Variants in ZFPM2 observed in about 807,000 individuals in gnomAD.
ZFPM2 encodes the protein zinc finger protein ZFPM2.
ZFPM2 carries 20 observed loss-of-function variants against 98.6 expected under a neutral mutation model. That is an observed-to-expected ratio of 0.20 (90% confidence interval 0.14 to 0.29). The LOEUF (loss-of-function observed/expected upper bound fraction) is 0.29, where lower values mean the gene tolerates loss of function less well. Among genes scored for constraint, ZFPM2 ranks in the 10% least tolerant of loss-of-function variants. The pLI is 1.00. For missense variants in ZFPM2, 1,310 were observed against 1,388.6 expected (o/e 0.94, Z 0.90); for synonymous variants, 518 against 502.7 (o/e 1.03, Z -0.41).
chr8:105,773,178 ACT>A (rs1813020561), intron 5 of ZFPM2, among the ~76,000 whole-genome samples: 1 of 152,130 alleles, frequency 6.6e-6, no homozygotes, highest in Non-Finnish European at 1.5e-5. Flanking sequence ...TTACCAAACC[ACT>A]GTCATTTGAA....
At chr8:105,535,571 A>G (rs192762292) in intron 3 of ZFPM2, among the ~76,000 whole-genome samples, 34 of 152,306 alleles carry the variant, frequency 2.2e-4, no homozygotes, top group African/African-American at 7.7e-4. Context: ...TCTCTGGAAA[A>G]TAATCCTTTG....
chr8:105,580,151 C>G (rs1488969334), intron 4 of ZFPM2, among the ~76,000 whole-genome samples: 1 of 152,006 alleles, frequency 6.6e-6, no homozygotes, highest in Non-Finnish European at 1.5e-5. Context: ...CTTCTTTGGT[C>G]GAATTGAAAG....
intron 6 of ZFPM2, among the ~76,000 whole-genome samples, chr8:105,792,112 T>C (rs1813633218): frequency 6.6e-6 from 1 of 152,208 alleles, no homozygotes; most frequent in Admixed American, 6.5e-5. Context: ...TGATTTTAGT[T>C]ATTTCTTGCC....
rs553281074 is a variant in ZFPM2, at chr8:105,440,186, GA to G, written c.200-4091del. Among the ~76,000 whole-genome samples the G allele has an allele frequency of 3.9e-5, 6 of 152,200 alleles. No homozygotes were observed. In the South Asian group the frequency reaches 1.2e-3, roughly 32 times the overall value. ...CTTTCTAATACAAAGCAATGAGATA[GA>G]AACTCAGAGTCTAAATAGAGATGGT... On this transcript the variant is annotated intron_variant, in intron 2 of 7. Transcript: ENST00000407775.
intron 2 of ZFPM2, among the ~76,000 whole-genome samples, chr8:105,422,512 C>G (rs1273932681): frequency 1.3e-5 from 2 of 151,940 alleles, no homozygotes. Flanking sequence ...TAGTTTAAAT[C>G]ATTTATGACA....
At chr8:105,556,714 C>T (rs1472044509) in intron 3 of ZFPM2, among the ~76,000 whole-genome samples, 1 of 141,854 alleles carries the variant, frequency 7.0e-6, no homozygotes, top group East Asian at 2.3e-4. Context: ...CTTCCCTTCC[C>T]TTCCCTCCCC....
intron 4 of ZFPM2, among the ~76,000 whole-genome samples, chr8:105,572,595 G>A (rs2130724137): frequency 6.6e-6 from 1 of 152,138 alleles, no homozygotes; most frequent in African/African-American, 2.4e-5. Context: ...AGCCTCTCGA[G>A]TAGCTGGGAT....
intron 5 of ZFPM2, chr8:105,669,964 CAGAT>C: frequency 6.6e-6 from 1 of 152,218 alleles, no homozygotes; most frequent in South Asian, 2.1e-4. Context: ...GCCTGTGTAA[CAGAT>C]AAATAGAGAA....
intron 3 of ZFPM2, among the ~76,000 whole-genome samples, chr8:105,525,609 A>G (rs948207834): frequency 1.3e-5 from 2 of 152,208 alleles, no homozygotes; most frequent in African/African-American, 4.8e-5. Context: ...TCAAATATAG[A>G]GTACTAGGCA....
In ZFPM2 at chr8:105,803,646, A is replaced by C; in HGVS notation, c.*108A>C. 1 of 1,107,668 alleles carries C rather than the reference A, an allele frequency of 9.0e-7. No individual in the cohort carries two copies. The allele number at this position is 1,107,668 out of a possible 1,614,324, so 68.6% of individuals were successfully genotyped here. On this transcript the variant is annotated 3_prime_UTR_variant, in exon 8 of 8. Coordinates refer to ENST00000407775, the MANE Select transcript of ZFPM2 (RefSeq NM_012082.4). ...ATTACATCTGGGCAATCAGGAGATAATTCATTATGGCTGAGTTGAAGACTT... is the reference window on the plus strand; with the variant it reads ...ATTACATCTGGGCAATCAGGAGATACTTCATTATGGCTGAGTTGAAGACTT...
chr8:105,404,840 C>A (rs1204955413), intron 1 of ZFPM2, among the ~76,000 whole-genome samples: 4 of 152,012 alleles, frequency 2.6e-5, no homozygotes, highest in Non-Finnish European at 5.9e-5. Flanking sequence ...CACTGTAACT[C>A]CCGATAACAG....
At chr8:105,545,994 C>A (rs925631608) in intron 3 of ZFPM2, among the ~76,000 whole-genome samples, 3 of 152,162 alleles carry the variant, frequency 2.0e-5, no homozygotes, top group Non-Finnish European at 4.4e-5. Context: ...CCACATACCT[C>A]TGCCTGGCTT....
chr8:105,663,471 C>A (rs1355617458), intron 5 of ZFPM2, among the ~76,000 whole-genome samples: 1 of 152,190 alleles, frequency 6.6e-6, no homozygotes, highest in Admixed American at 6.5e-5. Context: ...TGTTCCACAT[C>A]CTGCATGTAA....
chr8:105,739,866 T>G (rs1812172739), intron 5 of ZFPM2, among the ~76,000 whole-genome samples: 1 of 152,024 alleles, frequency 6.6e-6, no homozygotes, highest in Non-Finnish European at 1.5e-5. Context: ...CCCATACAAA[T>G]AATAGATGCC....
At chr8:105,590,830 C>G (rs1462600492) in intron 4 of ZFPM2, among the ~76,000 whole-genome samples, 1 of 152,194 alleles carries the variant, frequency 6.6e-6, no homozygotes, top group Non-Finnish European at 1.5e-5. Flanking sequence ...CCCACTCAAT[C>G]ACTTTACACA....
intron 5 of ZFPM2, among the ~76,000 whole-genome samples, chr8:105,719,586 G>C (rs1811608335): frequency 6.6e-6 from 1 of 151,764 alleles, no homozygotes; most frequent in Non-Finnish European, 1.5e-5. Flanking sequence ...GTAAAATGGG[G>C]GCGATAATAT....
intron 3 of ZFPM2, among the ~76,000 whole-genome samples, chr8:105,481,612 T>C (rs1813118923): frequency 6.6e-6 from 1 of 152,136 alleles, no homozygotes; most frequent in African/African-American, 2.4e-5. Context: ...GGCTTCCACA[T>C]AGGAATTTCG....
intron 1 of ZFPM2, among the ~76,000 whole-genome samples, chr8:105,388,957 C>A (rs1304011638): frequency 6.6e-6 from 1 of 150,844 alleles, no homozygotes; most frequent in South Asian, 2.1e-4. Context: ...AAGGAGAGAA[C>A]GTGCACATAC....
intron 1 of ZFPM2, among the ~76,000 whole-genome samples, chr8:105,344,553 C>G (rs749985614): frequency 6.6e-5 from 10 of 152,048 alleles, no homozygotes; most frequent in African/African-American, 9.7e-5. Flanking sequence ...TATTTTTATA[C>G]ACAGTATGTG....
Sources: gnomAD v4.1 joint callset for allele counts (sites outside exome capture counted in the v4.1 genomes callset) on GRCh38, gnomAD v4.1.1 for gene constraint, MANE v1.5 for transcripts, NCBI Gene and HGNC (gene_info 2026-07-23, HGNC 2026-07-21) for gene names.